The following NFAT5 variants were observed in gnomAD, a reference collection of about 807,000 sequenced individuals.
NFAT5 encodes nuclear factor of activated T cells 5, also known as nuclear factor of activated T-cells 5.
Under a neutral mutation model 166.5 loss-of-function variants are expected in NFAT5, and 31 were observed. That is an observed-to-expected ratio of 0.19 (90% CI 0.14 to 0.25). The LOEUF (loss-of-function observed/expected upper bound fraction) is 0.25, where lower values mean the gene tolerates loss of function less well. Among genes scored for constraint, NFAT5 ranks in the 10% least tolerant of loss-of-function variants. The pLI, the probability that NFAT5 is intolerant of heterozygous loss-of-function variation, is 1.00. For synonymous variants in NFAT5, 612 were observed against 639.7 expected, an observed-to-expected ratio of 0.96 and a Z score of 0.65; for missense variants, 1,449 against 1,821.8, an observed-to-expected ratio of 0.80 and a Z score of 3.72.
intron 6 of NFAT5, among the ~76,000 whole-genome samples, chr16:69,656,498 C>A (rs968487700): frequency 6.6e-6 from 1 of 150,970 alleles, no homozygotes; most frequent in Non-Finnish European, 1.5e-5. Flanking sequence ...GTCGCCCAGG[C>A]TGGAGTGCAG....
chr16:69,628,739 G>A (rs1474877143), intron 3 of NFAT5, among the ~76,000 whole-genome samples: 3 of 152,116 alleles, frequency 2.0e-5, no homozygotes, highest in East Asian at 3.8e-4. Context: ...CTAGGGAAAG[G>A]CATATTAATT....
chr16:69,607,404 T>C (rs945340926), intron 2 of NFAT5, among the ~76,000 whole-genome samples: 2 of 152,226 alleles, frequency 1.3e-5, no homozygotes, highest in Admixed American at 1.3e-4. Context: ...AAAAGAGAGA[T>C]TACAATAAAT....
chr16:69,582,794 G>T (rs2031784115), intron 2 of NFAT5, among the ~76,000 whole-genome samples: 1 of 151,460 alleles, frequency 6.6e-6, no homozygotes, highest in Non-Finnish European at 1.5e-5. Flanking sequence ...AAATTAGGAA[G>T]CGTGAGCCTT....
At chr16:69,687,416 G>A (rs1302722096) in intron 11 of NFAT5, among the ~76,000 whole-genome samples, 1 of 149,674 alleles carries the variant, frequency 6.7e-6, no homozygotes, top group East Asian at 1.9e-4. Flanking sequence ...ACTCCAGCTT[G>A]GGCAATAGAG....
At chr16:69,589,503 ACT>A (rs1208345383) in intron 2 of NFAT5, among the ~76,000 whole-genome samples, 1 of 152,168 alleles carries the variant, frequency 6.6e-6, no homozygotes, top group East Asian at 1.9e-4. Flanking sequence ...CAACTCAGAA[ACT>A]CAAAGGATAA....
At chr16:69,644,300 T>A (rs1455069958) in intron 3 of NFAT5, among the ~76,000 whole-genome samples, 3 of 151,956 alleles carry the variant, frequency 2.0e-5, no homozygotes, top group Non-Finnish European at 2.9e-5. Context: ...AAAAAAAGAA[T>A]TTTACAGTTT....
At chr16:69,592,146 C>G (rs560820502) in intron 2 of NFAT5, among the ~76,000 whole-genome samples, 28 of 134,074 alleles carry the variant, frequency 2.1e-4, no homozygotes, top group Non-Finnish European at 9.3e-5. Context: ...GTGGTGTGAT[C>G]TCGGCTCACT....
intron 7 of NFAT5, among the ~76,000 whole-genome samples, chr16:69,667,717 C>T (rs899984969): frequency 2.6e-5 from 4 of 151,822 alleles, no homozygotes; most frequent in African/African-American, 4.9e-5. Flanking sequence ...ATATGCTTTA[C>T]GTTTCATTTT....
chr16:69,669,883 A>G, intron 7 of NFAT5, 94 bp from the exon 8 acceptor site: 1 of 1,104,428 alleles, frequency 9.1e-7, no homozygotes, highest in Non-Finnish European at 1.3e-6. Flanking sequence ...CCTTCAATAA[A>G]GACAACTCAT....
At chr16:69,630,099 G>A (rs988269735) in intron 3 of NFAT5, among the ~76,000 whole-genome samples, 4 of 152,034 alleles carry the variant, frequency 2.6e-5, no homozygotes, top group Non-Finnish European at 5.9e-5. Context: ...ACCATGCCCA[G>A]CAAATTTTTG....
chr16:69,699,846 G>A lies in NFAT5; in HGVS notation c.*3495G>A, dbSNP rs1171013884. On this transcript the variant is annotated 3_prime_UTR_variant, in exon 15 of 15. Coordinates refer to ENST00000349945, the MANE Select transcript of NFAT5 (RefSeq NM_138713.4). ...TCTCTCTCTCTCTCTCTGTGTGTGT[G>A]TGTGTATGTGTGTGTGTGTGTGTGT... 6 of 149,332 alleles carry A rather than the reference G, an allele frequency of 4.0e-5. No homozygotes were observed. The highest frequency in any genetic ancestry group is 1.5e-4 in the African/African-American group (6 of 40,176). The allele number at this position is 149,332 out of a possible 1,614,324, so 9.3% of individuals were successfully genotyped here.
At chr16:69,594,905 T>A (rs966164605) in intron 2 of NFAT5, among the ~76,000 whole-genome samples, 3 of 152,164 alleles carry the variant, frequency 2.0e-5, no homozygotes, top group Non-Finnish European at 4.4e-5. Context: ...ACTTGGAGTC[T>A]GACATTCGAG....
rs145212716 is a variant in NFAT5, at chr16:69,604,253, G to A, written c.128-22150G>A. Among the ~76,000 whole-genome samples the A allele has an allele frequency of 2.2e-3, 339 of 152,282 alleles. 2 individuals carry two copies. Among genetic ancestry groups the A allele is most frequent in the South Asian group, 5.8e-3 (28 of 4,828 alleles). The stretch of plus-strand genomic sequence containing the variant: ...ACTGTGATAAATTTCTCTCTTGGTT[G>A]GGTGAGATTTGCTGAAATAATGTAT... On this transcript the variant is annotated intron_variant, in intron 2 of 14. Transcript: ENST00000349945.
Position 69,693,954 on chromosome 16 carries a change from C to G in NFAT5, c.4129C>G (p.Gln1377Glu), listed in dbSNP as rs367766003. The G allele has an allele frequency of 1.2e-6, 2 of 1,614,106 alleles. No homozygotes were observed. The highest frequency in any genetic ancestry group is 1.7e-5 in the Admixed American group (1 of 60,012). ...TPLFHSSPQIQLVQGSPSSQE... is the reference protein window; with the variant it reads ...TPLFHSSPQIELVQGSPSSQE... ...CTTGTTCCATAGCTCTCCTCAGATT[C>G]AGTTGGTACAAGGGTCACCTAGTTC... Residue 1377 changes from glutamine to glutamate, a missense_variant, in exon 13 of 15, where the codon CAG becomes GAG. Physicochemically the swap from Gln to Glu is conservative, Grantham distance 29. Around this residue, in one of 7 missense-constraint regions of NFAT5, gnomAD observed 891 missense variants for 993.0 expected, o/e 0.90. Coordinates refer to ENST00000349945, the MANE Select transcript of NFAT5 (RefSeq NM_138713.4).
intron 2 of NFAT5, among the ~76,000 whole-genome samples, chr16:69,575,760 T>C (rs1419573876): frequency 6.6e-6 from 1 of 152,206 alleles, no homozygotes; most frequent in Non-Finnish European, 1.5e-5. Flanking sequence ...ATTGAAAACC[T>C]TTTTTGAGCA....
At chr16:69,675,393 T>G (rs2036792285) in intron 9 of NFAT5, among the ~76,000 whole-genome samples, 1 of 152,214 alleles carries the variant, frequency 6.6e-6, no homozygotes, top group Non-Finnish European at 1.5e-5. Context: ...GTTGTAGTGT[T>G]TAAACAACAG....
chr16:69,578,877 G>GTTT (rs200744895), intron 2 of NFAT5, among the ~76,000 whole-genome samples: 3 of 143,716 alleles, frequency 2.1e-5, no homozygotes, highest in Non-Finnish European at 4.6e-5. Context: ...ATCTGAATAA[G>GTTT]TTTTTTTTTT....
At chr16:69,637,662 C>T (rs370435430) in intron 3 of NFAT5, among the ~76,000 whole-genome samples, 23 of 152,278 alleles carry the variant, frequency 1.5e-4, no homozygotes, top group East Asian at 3.9e-4. Flanking sequence ...AAAGACCAGC[C>T]GCCATGACTC....
rs761972756 is a variant in NFAT5 at position 69,659,722 on chromosome 16, A to T, written c.1197-5A>T. ...GTCCCTTTATATATTTTTTTTCTGT[A>T]TTAGGGTGGACTGCGTAGGGATATT... On this transcript the variant is annotated splice_polypyrimidine_tract_variant and splice_region_variant and intron_variant, in intron 6 of 14. Transcript: ENST00000349945. 7.5e-6 allele frequency: 12 copies of T among 1,594,152 alleles called. No homozygotes were observed. The highest frequency in any genetic ancestry group is 5.2e-5 in the Admixed American group (3 of 57,280).
Sources: allele counts gnomAD v4.1 joint callset (sites outside exome capture counted in the v4.1 genomes callset), GRCh38; gene constraint gnomAD v4.1.1; regional missense constraint gnomAD v4.1.1; transcripts MANE v1.5; gene names NCBI Gene and HGNC (gene_info 2026-07-23, HGNC 2026-07-21).